The following NUP85 variants were observed in gnomAD, a reference collection of about 807,000 sequenced individuals.
NUP85 encodes nucleoporin 85, also known as nuclear pore complex protein Nup85.
NUP85 carries 23 observed loss-of-function variants against 92.8 expected under a neutral mutation model. The observed-to-expected ratio is 0.25, with a 90% confidence interval of 0.18 to 0.35. The LOEUF is 0.35. NUP85 is among the 10% of genes least tolerant of loss of function. NUP85 has a pLI of 1.00. For missense variants in NUP85, 759 were observed against 822.8 expected, an observed-to-expected ratio of 0.92 and a Z score of 0.95; for synonymous variants, 314 against 306.9, an observed-to-expected ratio of 1.02 and a Z score of -0.24.
chr17:75,216,661 G>T (rs892231592), intron 6 of NUP85, among the ~76,000 whole-genome samples: 2 of 152,116 alleles, frequency 1.3e-5, no homozygotes, highest in Non-Finnish European at 2.9e-5. Flanking sequence ...TTCTTTTAAG[G>T]ATTTATGTTT....
intron 11 of NUP85, chr17:75,228,389 G>A (rs2075906259): frequency 1.0e-6 from 1 of 985,304 alleles, no homozygotes. Context: ...AGCTCTGTTA[G>A]TGGGAAATCT....
rs1163518179 is a variant in NUP85 at position 75,215,832 on chromosome 17, G to A, written c.475+9G>A. On this transcript the variant is annotated intron_variant, in intron 6 of 18. Transcript: ENST00000245544. ...TATTGAAGTGGCCCCAGGTAGGCAT[G>A]GAATATCTCACCATAATCTCATAGG... 1.2e-6 allele frequency: 2 copies of A among 1,611,574 alleles called. No individual in the cohort carries two copies. Among genetic ancestry groups the A allele is most frequent in the Non-Finnish European group, 1.7e-6 (2 of 1,177,672 alleles).
chr17:75,209,989 A>C lies in NUP85; in HGVS notation c.290+4A>C, dbSNP rs200377062. The stretch of plus-strand genomic sequence containing the variant: ...CTGGAAAATCCAGAAAATCTCAGTA[A>C]GTTGGTTGCTGTTTGGTGTTGAAGC... On this transcript the variant is annotated splice_donor_region_variant and intron_variant, in intron 3 of 18. Transcript: ENST00000245544. 1.9e-5 allele frequency: 30 copies of C among 1,591,588 alleles called. No homozygotes were observed. The highest frequency in any genetic ancestry group is 2.5e-5 in the Non-Finnish European group (29 of 1,174,924).
Position 75,235,142 on chromosome 17 carries a change from C to G in NUP85, c.1810C>G (p.Leu604Val). 1 of 1,614,142 alleles carries G rather than the reference C, an allele frequency of 6.2e-7. No homozygotes were observed. The highest frequency in any genetic ancestry group is 1.1e-5 in the South Asian group (1 of 91,080). ...AEQTYELMRC[L>V]EDLTSRRPVH... The stretch of plus-strand genomic sequence containing the variant: ...ACAGACTTATGAGTTGATGCGGTGT[C>G]TGGAGGACTTGACGTCAAGAAGACC... Residue 604 changes from leucine to valine, a missense_variant, in exon 18 of 19, where the codon CTG (leucine) becomes GTG (valine). By Grantham distance (32) the Leu-to-Val change is conservative. Coordinates refer to ENST00000245544, the MANE Select transcript of NUP85 (RefSeq NM_024844.5).
intron 17 of NUP85, 37 bp downstream of exon 17, chr17:75,234,825 C>T: frequency 1.2e-6 from 2 of 1,611,420 alleles, no homozygotes; most frequent in Middle Eastern, 1.6e-4. Flanking sequence ...CTTTGCTTGT[C>T]AGTCCCTGCT....
At chr17:75,211,885 T>C in intron 3 of NUP85, 107 bp from the exon 4 acceptor site, 1 of 847,188 alleles carries the variant, frequency 1.2e-6, no homozygotes, top group South Asian at 1.5e-5. Flanking sequence ...TCACAACGGC[T>C]CTCCTCTTTC....
intron 7 of NUP85, among the ~76,000 whole-genome samples, chr17:75,224,702 T>C (rs577956066): frequency 6.6e-6 from 1 of 151,926 alleles, no homozygotes; most frequent in East Asian, 2.0e-4. Flanking sequence ...CGTGATGGCA[T>C]GCGCCTGTAA....
intron 7 of NUP85, among the ~76,000 whole-genome samples, chr17:75,224,813 C>T (rs912031538): frequency 8.2e-6 from 1 of 122,386 alleles, no homozygotes; most frequent in Non-Finnish European, 1.7e-5. Flanking sequence ...GCCTGGGCAA[C>T]AAGAGGGGAA....
chr17:75,218,399 G>A, intron 7 of NUP85, 93 bp downstream of exon 7: 2 of 1,518,126 alleles, frequency 1.3e-6, no homozygotes, highest in Non-Finnish European at 1.8e-6. Context: ...GCCTCCAGCA[G>A]TAGGCTGGCT....
rs531716640 is a variant in NUP85 at position 75,216,269 on chromosome 17, C to CT, written c.475+459dup. The CT allele has an allele frequency of 6.3e-3, 931 of 148,066 alleles. 10 individuals carry two copies. The highest frequency in any genetic ancestry group is 0.014 in the South Asian group (68 of 4,830). 9.2% of individuals were successfully genotyped at this position (148,066 alleles called of 1,614,324 possible). A position where few individuals can be genotyped will look rare whatever the true frequency, so the allele number is the denominator to read the frequency against. On this transcript the variant is annotated intron_variant, in intron 6 of 18. Coordinates refer to ENST00000245544, the MANE Select transcript of NUP85 (RefSeq NM_024844.5). ...TGCCAATGGGAATTTTTCTGTTGATCTTTTTTTTTTTTTGAGACAGAGTTT... is the reference window on the plus strand; with the variant it reads ...TGCCAATGGGAATTTTTCTGTTGATCTTTTTTTTTTTTTTGAGACAGAGTTT...
chr17:75,233,104 C>A lies in NUP85; in HGVS notation c.1561C>A (p.Leu521Ile), dbSNP rs766699228. 5 of 1,614,058 alleles carry A rather than the reference C, an allele frequency of 3.1e-6. No homozygotes were observed. The Admixed American group carries it at 6.7e-5, about 22-fold the overall frequency. The change falls in exon 16 of 19, where the codon CTC becomes ATC. Residue 521 changes from leucine (L) to isoleucine (I), a missense_variant. Transcript: ENST00000245544. ...CERGCFSDLD[L>I]IDNLGPAMML... ...GCGAGGCTGCTTTTCTGATTTGGAT[C>A]TCATTGACAACCTGGGGCCAGCCAT...
intron 11 of NUP85, among the ~76,000 whole-genome samples, chr17:75,227,630 C>T (rs376153715): frequency 6.0e-5 from 9 of 151,012 alleles, no homozygotes; most frequent in Non-Finnish European, 1.2e-4. Flanking sequence ...CGTGAGCCAC[C>T]GCGCCCTGCC....
chr17:75,225,340 A>C lies in NUP85; in HGVS notation c.733-2A>C. ...ACGTCTCATGGCTGGTCTCTCCCTT[A>C]GCCCGGGAACACCCAGACACTGACA... On this transcript the variant is annotated splice_acceptor_variant, in intron 8 of 18. Transcript: ENST00000245544. LOFTEE classifies it high-confidence loss of function. 6.2e-7 allele frequency: 1 copy of C among 1,614,192 alleles called. No homozygotes were observed. The highest frequency in any genetic ancestry group is 2.2e-5 in the East Asian group (1 of 44,884).
intron 11 of NUP85, among the ~76,000 whole-genome samples, chr17:75,229,430 C>T (rs1484908907): frequency 1.2e-4 from 19 of 152,176 alleles, no homozygotes; most frequent in Non-Finnish European, 1.5e-5. Flanking sequence ...CGTAGCTGGT[C>T]TTCCCAACTC....
intron 3 of NUP85, among the ~76,000 whole-genome samples, chr17:75,211,710 AT>A: frequency 6.6e-6 from 1 of 152,198 alleles, no homozygotes; most frequent in East Asian, 1.9e-4. Flanking sequence ...AAATACATTT[AT>A]GTATCTTTTT....
rs766038531 is a variant in NUP85 at position 75,208,637 on chromosome 17, TC to T, written c.127+19del. The T allele has an allele frequency of 2.8e-5, 39 of 1,371,612 alleles. No homozygotes were observed. Among genetic ancestry groups the T allele is most frequent in the Non-Finnish European group, 3.7e-5 (36 of 961,390 alleles). 85.0% of individuals were successfully genotyped at this position (1,371,612 alleles called of 1,614,324 possible). A position where few individuals can be genotyped will look rare whatever the true frequency, so the allele number is the denominator to read the frequency against. On this transcript the variant is annotated intron_variant, in intron 2 of 18. Transcript: ENST00000245544. ...ACAAAAAAGGTAGGGTTTTTTTTCTTCCAAATTATCCATCTTGGCACATTTG... is the reference window on the plus strand; with the variant it reads ...ACAAAAAAGGTAGGGTTTTTTTTCTTCAAATTATCCATCTTGGCACATTTG...
chr17:75,232,890 G>C lies in NUP85; in HGVS notation c.1436G>C (p.Arg479Pro). 1 of 1,614,194 alleles carries C rather than the reference G, an allele frequency of 6.2e-7. No homozygotes were observed. Among genetic ancestry groups the C allele is most frequent in the Non-Finnish European group, 8.5e-7 (1 of 1,180,050 alleles). ...ICKILAMKAV[R>P]NNRLGSALSW... ...AAGATCTTAGCCATGAAAGCCGTCC[G>C]CAACAATCGCCTGGGTTCTGCCCTC... Residue 479 changes from arginine (R) to proline (P), a missense_variant, in exon 15 of 19, where the codon CGC (arginine) becomes CCC (proline). Transcript: ENST00000245544.
Position 75,234,948 on chromosome 17 carries a change from A to G in NUP85, c.1768-152A>G, listed in dbSNP as rs1457136032. On this transcript the variant is annotated intron_variant, in intron 17 of 18. Coordinates refer to ENST00000245544, the MANE Select transcript of NUP85 (RefSeq NM_024844.5). ...CTGGGATTCCAGACTCACACAGGAA[A>G]CAAACACTGCTTGATTTGAAATGAG... 3.7e-6 allele frequency: 4 copies of G among 1,067,544 alleles called. No homozygotes were observed. The Admixed American group carries it at 5.2e-5, about 14-fold the overall frequency. The allele number at this position is 1,067,544 out of a possible 1,614,324, so 66.1% of individuals were successfully genotyped here. A position where few individuals can be genotyped will look rare whatever the true frequency, so the allele number is the denominator to read the frequency against.
chr17:75,225,061 C>CA, intron 7 of NUP85, 42 bp from the exon 8 acceptor site: 1 of 1,511,678 alleles, frequency 6.6e-7, no homozygotes, highest in Non-Finnish European at 8.8e-7. Context: ...TCGGCAGGGC[C>CA]AGGCCTCCTG....
Sources: allele counts gnomAD v4.1 joint callset (sites outside exome capture counted in the v4.1 genomes callset), GRCh38; gene constraint gnomAD v4.1.1; transcripts MANE v1.5; gene names NCBI Gene and HGNC (gene_info 2026-07-23, HGNC 2026-07-21).